OPHN1: variants seen among roughly 807,000 people sequenced by gnomAD.
OPHN1 encodes the protein oligophrenin-1.
OPHN1 carries 11 observed loss-of-function variants against 60.7 expected under a neutral mutation model. That is an observed-to-expected ratio of 0.18 (90% CI 0.11 to 0.30). The LOEUF (loss-of-function observed/expected upper bound fraction) is 0.30. Ranked by LOEUF, OPHN1 falls within the 10% of genes least tolerant of loss-of-function variation. The pLI, the probability that OPHN1 is intolerant of heterozygous loss-of-function variation, is 1.00. For missense variants in OPHN1, 449 were observed against 611.0 expected, an observed-to-expected ratio of 0.73 and a Z score of 2.80; for synonymous variants, 226 against 222.6, an observed-to-expected ratio of 1.02 and a Z score of -0.14.
intron 2 of OPHN1, among the ~76,000 whole-genome samples, chrX:68,419,328 C>T (rs973704844): frequency 9.2e-6 from 1 of 109,002 alleles, no homozygotes; most frequent in Non-Finnish European, 1.9e-5. Context: ...GCGTGGCCAT[C>T]CAATTCCTGG....
intron 5 of OPHN1, among the ~76,000 whole-genome samples, chrX:68,242,630 TG>T (rs2077787018): frequency 9.0e-6 from 1 of 111,355 alleles, no homozygotes; most frequent in Non-Finnish European, 1.9e-5. Context: ...CAATGTTCCC[TG>T]TAGTATTTAC....
At chrX:68,393,634 C>T (rs185367236) in intron 2 of OPHN1, among the ~76,000 whole-genome samples, 1,124 of 111,097 alleles carry the variant, frequency 0.01, 17 homozygotes, top group African/African-American at 0.035. Flanking sequence ...CTGTTTTTTT[C>T]AATTATACTT....
chrX:68,269,319 G>T (rs1021540717), intron 5 of OPHN1, among the ~76,000 whole-genome samples: 1 of 111,466 alleles, frequency 9.0e-6, no homozygotes, highest in Non-Finnish European at 1.9e-5. Flanking sequence ...GAGGCATCAT[G>T]CTACCTGACT....
intron 6 of OPHN1, among the ~76,000 whole-genome samples, chrX:68,214,852 C>A (rs192996034): frequency 6.2e-4 from 69 of 110,498 alleles, no homozygotes; most frequent in African/African-American, 2.1e-3. Context: ...CAAAAACTAG[C>A]CAAGTGTGGT....
intron 19 of OPHN1, among the ~76,000 whole-genome samples, chrX:68,079,635 C>CGTGT (rs1569205835): frequency 8.9e-6 from 1 of 111,807 alleles, no homozygotes; most frequent in Non-Finnish European, 1.9e-5. Context: ...CTTTCTCAAC[C>CGTGT]GTGTCATCCA....
intron 20 of OPHN1, chrX:68,071,142 A>G (rs878888486): frequency 1.2e-6 from 1 of 838,349 alleles, no homozygotes; most frequent in Non-Finnish European, 1.8e-6. Context: ...CTCCACCCAG[A>G]ATGGCCAGGA....
intron 2 of OPHN1, among the ~76,000 whole-genome samples, chrX:68,368,132 G>T (rs2078508766): frequency 9.0e-6 from 1 of 111,477 alleles, no homozygotes; most frequent in Admixed American, 9.6e-5. Flanking sequence ...TCAGATGTCT[G>T]GGCCATATTA....
chrX:68,137,667 T>C (rs1428961937), intron 15 of OPHN1, among the ~76,000 whole-genome samples: 4 of 112,213 alleles, frequency 3.6e-5, no homozygotes, highest in Non-Finnish European at 7.5e-5. Context: ...TGTATGTATG[T>C]ATATGTGTAC....
chrX:68,102,445 T>G (rs939551235), intron 18 of OPHN1, among the ~76,000 whole-genome samples: 3 of 110,505 alleles, frequency 2.7e-5, no homozygotes, highest in Non-Finnish European at 5.7e-5. Flanking sequence ...ATCGAAACAC[T>G]AACATCACAA....
chrX:68,073,648 A>G (rs2076943579), intron 19 of OPHN1, among the ~76,000 whole-genome samples: 1 of 111,986 alleles, frequency 8.9e-6, no homozygotes, highest in Non-Finnish European at 1.9e-5. Flanking sequence ...TAGGGACAGC[A>G]TCACCCACTT....
At chrX:68,413,751 CAACA>C (rs1440675410) in intron 2 of OPHN1, among the ~76,000 whole-genome samples, 5 of 107,474 alleles carry the variant, frequency 4.7e-5, no homozygotes, top group Non-Finnish European at 9.7e-5. Context: ...TACAAAAAAA[CAACA>C]AACAAACAAA....
intron 6 of OPHN1, among the ~76,000 whole-genome samples, chrX:68,217,359 C>T (rs767653431): frequency 4.9e-4 from 55 of 111,776 alleles, no homozygotes; most frequent in African/African-American, 1.8e-3. Context: ...GGGAGGGGCG[C>T]CCGCCATTGC....
chrX:68,315,203 C>T (rs12011905), intron 2 of OPHN1, among the ~76,000 whole-genome samples: 2,210 of 104,199 alleles, frequency 0.021, 75 homozygotes, highest in African/African-American at 0.075. Flanking sequence ...ATCTAGGTGA[C>T]AGAGTGAGAC....
At chrX:68,277,784 C>G (rs988407870) in intron 4 of OPHN1, among the ~76,000 whole-genome samples, 2 of 111,919 alleles carry the variant, frequency 1.8e-5, no homozygotes, top group Non-Finnish European at 3.8e-5. Flanking sequence ...GAGTAAGACT[C>G]AGTCTCAAAA....
At chrX:68,154,415 T>C (rs1189413051) in intron 15 of OPHN1, among the ~76,000 whole-genome samples, 1 of 112,740 alleles carries the variant, frequency 8.9e-6, no homozygotes, top group Non-Finnish European at 1.9e-5. Context: ...GGACAGCTCA[T>C]AATTTGTGAG....
chrX:68,111,669 A>T, intron 18 of OPHN1, among the ~76,000 whole-genome samples, 185 bp downstream of exon 18: 1 of 111,990 alleles, frequency 8.9e-6, no homozygotes, highest in Non-Finnish European at 1.9e-5. Flanking sequence ...ATCCACATGC[A>T]TGATGACTCT....
intron 5 of OPHN1, among the ~76,000 whole-genome samples, chrX:68,264,723 G>A (rs1278829544): frequency 1.8e-5 from 2 of 112,273 alleles, no homozygotes; most frequent in East Asian, 2.8e-4. Context: ...CCAAAGCAGG[G>A]CGAGGCATTG....
intron 18 of OPHN1, among the ~76,000 whole-genome samples, chrX:68,103,199 C>T (rs1322341984): frequency 8.9e-6 from 1 of 111,788 alleles, no homozygotes; most frequent in Non-Finnish European, 1.9e-5. Flanking sequence ...TGGCTTCATC[C>T]CTGGGATGCA....
intron 6 of OPHN1, among the ~76,000 whole-genome samples, chrX:68,222,946 T>G (rs779532970): frequency 1.6e-4 from 17 of 105,370 alleles, no homozygotes; most frequent in East Asian, 5.9e-4. Flanking sequence ...TAAATAAAAA[T>G]AAATAAAAAG....
Sources: allele counts gnomAD v4.1 joint callset (sites outside exome capture counted in the v4.1 genomes callset), GRCh38; gene constraint gnomAD v4.1.1; transcripts MANE v1.5; gene names NCBI Gene and HGNC (gene_info 2026-07-23, HGNC 2026-07-21).